Variants in GRM1 observed in about 807,000 individuals in gnomAD.
The protein encoded by GRM1 is glutamate metabotropic receptor 1, also known as metabotropic glutamate receptor 1.
GRM1 carries 33 observed loss-of-function variants against 90.9 expected under a neutral mutation model. The ratio of observed to expected loss-of-function variants is 0.36; its 90% confidence interval spans 0.28 to 0.49. GRM1 has a LOEUF of 0.49. Among genes scored for constraint, GRM1 ranks in the 20% least tolerant of loss-of-function variants. The probability of loss-of-function intolerance (pLI) is 0.99; values close to 1 mark genes in which losing one functional copy is unlikely to be tolerated. For synonymous variants in GRM1, 700 were observed against 613.2 expected, an observed-to-expected ratio of 1.14 and a Z score of -2.09; for missense variants, 1,190 against 1,534.3, an observed-to-expected ratio of 0.78 and a Z score of 3.75.
chr6:146,202,970 C>T (rs910079672), intron 2 of GRM1, among the ~76,000 whole-genome samples: 7 of 151,982 alleles, frequency 4.6e-5, no homozygotes, highest in South Asian at 2.1e-4. Context: ...CCAAGGCGGG[C>T]GGATCACGAG....
At chr6:146,036,910 AAATC>A (rs1790910694) in intron 1 of GRM1, among the ~76,000 whole-genome samples, 1 of 151,928 alleles carries the variant, frequency 6.6e-6, no homozygotes, top group South Asian at 2.1e-4. Context: ...AAAGTAATAA[AAATC>A]AATAATAATA....
chr6:146,192,557 G>A lies in GRM1; in HGVS notation c.950+32960G>A, dbSNP rs116609715. Among the ~76,000 whole-genome samples the A allele has an allele frequency of 7.5e-3, 1,140 of 152,208 alleles. 7 individuals are homozygous for A. Among genetic ancestry groups the A allele is most frequent in the African/African-American group, 0.019 (793 of 41,532 alleles). Reference sequence around the variant, plus strand: ...GTATGAAATTAAAATAATGATTGTCGTTAGCTTATCTCTCTCATCCTCCTG... The same window carrying A: ...GTATGAAATTAAAATAATGATTGTCATTAGCTTATCTCTCTCATCCTCCTG... On this transcript the variant is annotated intron_variant, in intron 2 of 7. Coordinates refer to ENST00000282753, the MANE Select transcript of GRM1 (RefSeq NM_001278064.2).
chr6:146,271,359 G>T (rs1215568907), intron 2 of GRM1, among the ~76,000 whole-genome samples: 1 of 152,034 alleles, frequency 6.6e-6, no homozygotes, highest in East Asian at 1.9e-4. Flanking sequence ...GGTTGCCAGG[G>T]CTCCCTGGCC....
Position 146,130,571 on chromosome 6 carries a change from C to T in GRM1, c.701-28777C>T, listed in dbSNP as rs747036167. On this transcript the variant is annotated intron_variant, in intron 1 of 7. Transcript: ENST00000282753. ...ACTTTATGATATGCTTTTCTTTCACCTCAGTGAACTCACCGTTTACTATAT... is the reference window on the plus strand; with the variant it reads ...ACTTTATGATATGCTTTTCTTTCACTTCAGTGAACTCACCGTTTACTATAT... Among the ~76,000 whole-genome samples the T allele has an allele frequency of 4.6e-5, 7 of 151,872 alleles. No individual in the cohort carries two copies. The South Asian group carries it at 6.2e-4, about 14-fold the overall frequency.
intron 1 of GRM1, among the ~76,000 whole-genome samples, chr6:146,140,416 G>C (rs1267967648): frequency 6.6e-6 from 1 of 151,882 alleles, no homozygotes; most frequent in East Asian, 1.9e-4. Context: ...TTACAGGCAT[G>C]CACCACCATA....
intron 2 of GRM1, among the ~76,000 whole-genome samples, chr6:146,294,862 A>G (rs1783121842): frequency 6.6e-6 from 1 of 152,182 alleles, no homozygotes; most frequent in Non-Finnish European, 1.5e-5. Context: ...TGTGTTAGTT[A>G]ATATTTGTTT....
intron 2 of GRM1, among the ~76,000 whole-genome samples, chr6:146,281,401 A>T (rs1266671869): frequency 6.6e-6 from 1 of 152,156 alleles, no homozygotes; most frequent in Non-Finnish European, 1.5e-5. Flanking sequence ...TTCAACTCTA[A>T]GTTCTATCTT....
intron 1 of GRM1, among the ~76,000 whole-genome samples, chr6:146,113,335 G>T (rs1352708027): frequency 6.6e-6 from 1 of 152,170 alleles, no homozygotes; most frequent in African/African-American, 2.4e-5. Context: ...ACTCCCTGCT[G>T]CAACTTAAAG....
chr6:146,106,143 G>A (rs1394242246), intron 1 of GRM1, among the ~76,000 whole-genome samples: 2 of 152,110 alleles, frequency 1.3e-5, no homozygotes, highest in Non-Finnish European at 2.9e-5. Flanking sequence ...ATTTTGTCAT[G>A]GGGTGGTAAC....
chr6:146,037,099 C>T (rs1439702549), intron 1 of GRM1, among the ~76,000 whole-genome samples: 1 of 151,882 alleles, frequency 6.6e-6, no homozygotes, highest in Non-Finnish European at 1.5e-5. Context: ...ATTATAATCA[C>T]TACCATGTTA....
intron 1 of GRM1, among the ~76,000 whole-genome samples, chr6:146,115,957 G>T (rs995341084): frequency 4.6e-5 from 7 of 152,052 alleles, no homozygotes; most frequent in African/African-American, 1.7e-4. Flanking sequence ...TACATTCATA[G>T]TAGATATATT....
chr6:146,406,191 G>A (rs1350139544), intron 7 of GRM1, among the ~76,000 whole-genome samples: 1 of 152,146 alleles, frequency 6.6e-6, no homozygotes, highest in Non-Finnish European at 1.5e-5. Context: ...CCGAGAGCTA[G>A]GCTGTTAGCA....
At chr6:146,338,732 T>C (rs1784864527) in intron 3 of GRM1, among the ~76,000 whole-genome samples, 1 of 152,214 alleles carries the variant, frequency 6.6e-6, no homozygotes, top group Non-Finnish European at 1.5e-5. Flanking sequence ...TGGAATGTTA[T>C]GGGGGTACAA....
At position 146,166,315 on chromosome 6, in the gene GRM1, C is replaced by T. The variant is rs1229477387; in HGVS notation, c.950+6718C>T. Among the ~76,000 whole-genome samples, 4 of 152,130 alleles carry T rather than the reference C, an allele frequency of 2.6e-5. No individual in the cohort carries two copies. The East Asian group carries it at 7.7e-4, about 29-fold the overall frequency. On this transcript the variant is annotated intron_variant, in intron 2 of 7. Transcript: ENST00000282753. ...ATGAATTAGCTTTCAGAATCACTAC[C>T]TTATGATGCCTAGATCAGGGATTTG... is the stretch of plus-strand genomic sequence containing the variant.
At chr6:146,185,666 G>A (rs1266838143) in intron 2 of GRM1, among the ~76,000 whole-genome samples, 1 of 152,170 alleles carries the variant, frequency 6.6e-6, no homozygotes, top group Non-Finnish European at 1.5e-5. Context: ...TGATTTGGGA[G>A]TAAAATTCTC....
chr6:146,413,104 A>C (rs770339251), intron 7 of GRM1, among the ~76,000 whole-genome samples: 17 of 152,152 alleles, frequency 1.1e-4, no homozygotes, highest in South Asian at 6.2e-4. Context: ...TTGCTTATTG[A>C]AAACATTTTG....
At chr6:146,148,661 G>T (rs1777202344) in intron 1 of GRM1, among the ~76,000 whole-genome samples, 1 of 152,134 alleles carries the variant, frequency 6.6e-6, no homozygotes. Flanking sequence ...CAAAGGATAT[G>T]AACATAATTT....
At chr6:146,225,969 G>C (rs1480568215) in intron 2 of GRM1, among the ~76,000 whole-genome samples, 1 of 152,132 alleles carries the variant, frequency 6.6e-6, no homozygotes, top group Non-Finnish European at 1.5e-5. Flanking sequence ...AACCTGGAAT[G>C]CACCTTTGTT....
intron 2 of GRM1, among the ~76,000 whole-genome samples, chr6:146,201,678 G>A (rs1388006075): frequency 2.6e-5 from 4 of 152,190 alleles, no homozygotes; most frequent in East Asian, 1.9e-4. Flanking sequence ...TTGGAGAGAC[G>A]CAAACATTCA....
Sources: allele counts gnomAD v4.1 joint callset (sites outside exome capture counted in the v4.1 genomes callset), GRCh38; gene constraint gnomAD v4.1.1; transcripts MANE v1.5; gene names NCBI Gene and HGNC (gene_info 2026-07-23, HGNC 2026-07-21).